Variants in SAMD5 observed in about 807,000 individuals in gnomAD.
SAMD5 encodes the protein sterile alpha motif domain containing 5, also known as sterile alpha motif domain-containing protein 5.
SAMD5 carries 13 observed loss-of-function variants against 11.3 expected under a neutral mutation model. The ratio of observed to expected loss-of-function variants is 1.15; its 90% CI spans 0.75 to 1.83. The LOEUF (loss-of-function observed/expected upper bound fraction) is 1.83. Among genes scored for constraint, SAMD5 ranks in the 40% most tolerant of loss-of-function variants. SAMD5 has a pLI of 0.00. For synonymous variants in SAMD5, 129 were observed against 111.3 expected, an observed-to-expected ratio of 1.16 and a Z score of -1.00; for missense variants, 255 against 239.1, an observed-to-expected ratio of 1.07 and a Z score of -0.44.
chr6:147,647,651 C>G (rs2128453033), intron 1 of SAMD5, among the ~76,000 whole-genome samples: 1 of 152,276 alleles, frequency 6.6e-6, no homozygotes, highest in African/African-American at 2.4e-5. Context: ...GCAGCACAAA[C>G]ACTTTGAGAG....
At chr6:147,693,244 C>T (rs990879295) in intron 1 of SAMD5, among the ~76,000 whole-genome samples, 1 of 152,222 alleles carries the variant, frequency 6.6e-6, no homozygotes, top group Non-Finnish European at 1.5e-5. Flanking sequence ...GCATCCCTAA[C>T]GAAGTCCTTT....
downstream of SAMD5, among the ~76,000 whole-genome samples, chr6:147,571,562 C>CTATTT (rs1789139309): frequency 2.0e-5 from 3 of 151,182 alleles, no homozygotes; most frequent in African/African-American, 7.3e-5. Context: ...TTGACTAACT[C>CTATTT]GTCTATTTTA....
At chr6:147,705,196 A>T (rs1180043869) in intron 1 of SAMD5, among the ~76,000 whole-genome samples, 1 of 152,198 alleles carries the variant, frequency 6.6e-6, no homozygotes, top group East Asian at 1.9e-4. Context: ...CTTCTCCTGT[A>T]TAAAAACCAT....
At chr6:147,826,921 C>T in the SAMD5 span, among the ~76,000 whole-genome samples, 1 of 152,092 alleles carries the variant, frequency 6.6e-6, no homozygotes, top group Non-Finnish European at 1.5e-5. Context: ...GCAGCAGCCT[C>T]AGAGGCTGCT....
the SAMD5 span, among the ~76,000 whole-genome samples, chr6:147,885,224 C>T: frequency 1.3e-5 from 2 of 151,992 alleles, no homozygotes; most frequent in African/African-American, 2.4e-5. Context: ...TTTGGGAGGC[C>T]AAGGAGGGGT....
chr6:147,537,654 T>G (rs1788531825), intron 1 of SAMD5, among the ~76,000 whole-genome samples: 1 of 151,516 alleles, frequency 6.6e-6, no homozygotes, highest in Non-Finnish European at 1.5e-5. Flanking sequence ...CTCGGGAGGC[T>G]GAGGCAGGAG....
intron 1 of SAMD5, among the ~76,000 whole-genome samples, chr6:147,728,690 T>A (rs546298083): frequency 6.6e-6 from 1 of 152,240 alleles, no homozygotes; most frequent in Non-Finnish European, 1.5e-5. Flanking sequence ...AAAAGGAGAC[T>A]TAACACATCA....
chr6:147,561,603 T>C (rs1397255018), intron 1 of SAMD5, among the ~76,000 whole-genome samples: 7 of 151,976 alleles, frequency 4.6e-5, no homozygotes, highest in Non-Finnish European at 8.8e-5. Flanking sequence ...TTTTTCTTGG[T>C]GGAGTGAAGA....
the SAMD5 span, among the ~76,000 whole-genome samples, chr6:147,749,119 T>C: frequency 6.6e-6 from 1 of 152,176 alleles, no homozygotes; most frequent in African/African-American, 2.4e-5. Context: ...TTTCTTTGGC[T>C]ACCCAAGTTT....
At chr6:147,564,332 T>A in intron 1 of SAMD5, 62 bp from the exon 2 acceptor site, 1 of 767,870 alleles carries the variant, frequency 1.3e-6, no homozygotes, top group South Asian at 1.4e-5. Flanking sequence ...AAATCCATGA[T>A]GGACTAGGGG....
chr6:147,533,976 G>T (rs992543019), intron 1 of SAMD5, among the ~76,000 whole-genome samples: 3 of 152,096 alleles, frequency 2.0e-5, no homozygotes, highest in African/African-American at 7.2e-5. Context: ...AATAAACTGG[G>T]CACCACAGTC....
At chr6:147,778,266 C>T in the SAMD5 span, among the ~76,000 whole-genome samples, 9 of 152,112 alleles carry the variant, frequency 5.9e-5, no homozygotes, top group Non-Finnish European at 1.3e-4. Flanking sequence ...TATTTCTATC[C>T]CTTTGGTGAT....
the SAMD5 span, among the ~76,000 whole-genome samples, chr6:147,845,126 A>G: frequency 6.6e-6 from 1 of 152,160 alleles, no homozygotes; most frequent in South Asian, 2.1e-4. Context: ...TTAAGTATCA[A>G]TTAAAAATAA....
At chr6:147,526,307 C>T (rs1469706872) in intron 1 of SAMD5, among the ~76,000 whole-genome samples, 5 of 152,054 alleles carry the variant, frequency 3.3e-5, no homozygotes, top group African/African-American at 1.2e-4. Context: ...AATTGAGCAC[C>T]AAGAATGTGC....
the SAMD5 span, among the ~76,000 whole-genome samples, chr6:147,880,790 C>T: frequency 6.6e-6 from 1 of 152,134 alleles, no homozygotes; most frequent in Non-Finnish European, 1.5e-5. Flanking sequence ...AACAACTCAA[C>T]AGATACTTTT....
the SAMD5 span, among the ~76,000 whole-genome samples, chr6:147,876,079 C>T: frequency 6.2e-3 from 951 of 152,250 alleles, 7 homozygotes; most frequent in Non-Finnish European, 0.01. Context: ...GAGGAGGAAG[C>T]GGGTCACTTT....
the SAMD5 span, among the ~76,000 whole-genome samples, chr6:147,909,632 C>CCTTCCTTCCTTCCTTCCTTCCTTCCT: frequency 1.3e-4 from 8 of 61,170 alleles, no homozygotes; most frequent in African/African-American, 9.2e-4. Flanking sequence ...TTCTTTCTTT[C>CCTTCCTTCCTTCCTTCCTTCCTTCCT]TCTTTCTTGT....
intron 1 of SAMD5, among the ~76,000 whole-genome samples, chr6:147,681,864 G>A (rs62436331): frequency 0.035 from 5,378 of 152,208 alleles, 111 homozygotes; most frequent in South Asian, 0.058. Context: ...TTACACTCTG[G>A]CTGGTGGGAA....
intron 1 of SAMD5, among the ~76,000 whole-genome samples, chr6:147,510,298 G>T (rs994749596): frequency 6.6e-6 from 1 of 152,200 alleles, no homozygotes; most frequent in African/African-American, 2.4e-5. Context: ...CCAGAGCTCT[G>T]CTTCTAGCTG....
Sources: allele counts gnomAD v4.1 joint callset (sites outside exome capture counted in the v4.1 genomes callset), GRCh38; gene constraint gnomAD v4.1.1; transcripts MANE v1.5; gene names NCBI Gene and HGNC (gene_info 2026-07-23, HGNC 2026-07-21).